Variants in ERC2 observed in about 807,000 individuals in gnomAD.
ERC2 encodes ELKS/RAB6-interacting/CAST family member 2.
In ERC2, 42 loss-of-function variants were observed where a neutral mutation model predicts 114.8. The ratio of observed to expected loss-of-function variants is 0.37; its 90% confidence interval spans 0.29 to 0.47. The LOEUF is 0.47. Ranked by LOEUF, ERC2 falls within the 20% of genes least tolerant of loss-of-function variation. The pLI, the probability that ERC2 is intolerant of heterozygous loss-of-function variation, is 0.99. For missense variants in ERC2, 939 were observed against 1,150.7 expected, an observed-to-expected ratio of 0.82 and a Z score of 2.66; for synonymous variants, 454 against 425.5, an observed-to-expected ratio of 1.07 and a Z score of -0.82.
At chr3:55,601,236 G>C (rs1350671476) in intron 17 of ERC2, among the ~76,000 whole-genome samples, 1 of 152,054 alleles carries the variant, frequency 6.6e-6, no homozygotes, top group African/African-American at 2.4e-5. Context: ...TATATTTTCC[G>C]GTTTTTGGAA....
intron 11 of ERC2, among the ~76,000 whole-genome samples, chr3:55,991,611 C>T (rs1287036158): frequency 6.6e-6 from 1 of 152,168 alleles, no homozygotes; most frequent in East Asian, 1.9e-4. Context: ...ATATGAGCTC[C>T]TTCCTTCTTC....
intron 5 of ERC2, among the ~76,000 whole-genome samples, chr3:56,143,872 C>T (rs1402540459): frequency 6.6e-6 from 1 of 152,166 alleles, no homozygotes; most frequent in African/African-American, 2.4e-5. Flanking sequence ...TAAACAATAA[C>T]AAGCTACTGA....
At chr3:56,260,517 T>C (rs1214352050) in intron 3 of ERC2, among the ~76,000 whole-genome samples, 1 of 152,152 alleles carries the variant, frequency 6.6e-6, no homozygotes, top group East Asian at 1.9e-4. Flanking sequence ...AGCCCTTCTG[T>C]TACCCACCCA....
At chr3:55,687,493 A>C (rs1322513086) in intron 16 of ERC2, among the ~76,000 whole-genome samples, 3 of 152,174 alleles carry the variant, frequency 2.0e-5, no homozygotes, top group African/African-American at 7.2e-5. Flanking sequence ...TGTCCTAGAA[A>C]GGAAAGCAAG....
At chr3:55,532,851 A>T (rs2053754511) in intron 17 of ERC2, among the ~76,000 whole-genome samples, 1 of 152,246 alleles carries the variant, frequency 6.6e-6, no homozygotes, top group African/African-American at 2.4e-5. Context: ...AACTCTTGGT[A>T]GAGCCTGACC....
intron 17 of ERC2, among the ~76,000 whole-genome samples, chr3:55,556,738 T>C (rs2107456654): frequency 6.6e-6 from 1 of 152,278 alleles, no homozygotes; most frequent in Middle Eastern, 3.4e-3. Context: ...GACCACATCA[T>C]CTGAGCCCCT....
At chr3:56,230,191 C>T (rs1453465927) in intron 3 of ERC2, among the ~76,000 whole-genome samples, 1 of 151,554 alleles carries the variant, frequency 6.6e-6, no homozygotes, top group East Asian at 2.0e-4. Flanking sequence ...CAATGATGTT[C>T]GTTAATAATT....
intron 13 of ERC2, among the ~76,000 whole-genome samples, chr3:55,919,011 C>G (rs1447607853): frequency 6.6e-6 from 1 of 152,046 alleles, no homozygotes; most frequent in Non-Finnish European, 1.5e-5. Flanking sequence ...AGAATGTCCA[C>G]CACAGCATTG....
chr3:55,712,572 C>A (rs1045340268), intron 15 of ERC2, among the ~76,000 whole-genome samples: 2 of 152,150 alleles, frequency 1.3e-5, no homozygotes, highest in East Asian at 1.9e-4. Flanking sequence ...TCTAATACAA[C>A]CTGCTTTCCC....
chr3:56,300,904 A>C (rs1453941991), intron 2 of ERC2, among the ~76,000 whole-genome samples: 1 of 152,210 alleles, frequency 6.6e-6, no homozygotes, highest in African/African-American at 2.4e-5. Context: ...AGAAGTAGTA[A>C]AAGCAGACAG....
chr3:56,295,992 T>C, intron 3 of ERC2, 27 bp downstream of exon 3: 1 of 1,528,468 alleles, frequency 6.5e-7, no homozygotes, highest in East Asian at 2.3e-5. Flanking sequence ...AATTAAGGCT[T>C]TGGGGAAATA....
intron 10 of ERC2, among the ~76,000 whole-genome samples, chr3:56,005,368 C>T (rs183211865): frequency 3.9e-5 from 6 of 152,014 alleles, no homozygotes; most frequent in East Asian, 3.9e-4. Context: ...TGTCTACCTG[C>T]GAGTCAAAGG....
At chr3:55,982,826 C>A (rs2070266989) in intron 12 of ERC2, among the ~76,000 whole-genome samples, 1 of 152,182 alleles carries the variant, frequency 6.6e-6, no homozygotes, top group Admixed American at 6.5e-5. Flanking sequence ...GGGCAACAGA[C>A]CTCTGAGTTC....
chr3:55,845,171 T>C (rs918268183), intron 14 of ERC2, among the ~76,000 whole-genome samples: 1 of 152,098 alleles, frequency 6.6e-6, no homozygotes, highest in Admixed American at 6.5e-5. Context: ...TGGATCAGTA[T>C]TGATCCAGCC....
At chr3:56,413,010 C>A (rs1037792644) in intron 2 of ERC2, among the ~76,000 whole-genome samples, 1 of 152,110 alleles carries the variant, frequency 6.6e-6, no homozygotes, top group Non-Finnish European at 1.5e-5. Context: ...TATCTATCAC[C>A]CTCAACTTAC....
intron 17 of ERC2, among the ~76,000 whole-genome samples, chr3:55,574,789 G>C (rs2056891441): frequency 6.6e-6 from 1 of 152,150 alleles, no homozygotes; most frequent in Non-Finnish European, 1.5e-5. Flanking sequence ...AGTCCCATAA[G>C]TTCTCTTCAG....
chr3:55,767,839 G>T (rs991932702), intron 14 of ERC2, among the ~76,000 whole-genome samples: 6 of 152,192 alleles, frequency 3.9e-5, no homozygotes, highest in East Asian at 1.9e-4. Flanking sequence ...ACATTTGGGG[G>T]TCTACTGAGT....
chr3:56,113,669 C>T (rs568757232), intron 6 of ERC2, among the ~76,000 whole-genome samples: 123 of 152,224 alleles, frequency 8.1e-4, no homozygotes, highest in African/African-American at 2.6e-3. Flanking sequence ...AACTCAATTC[C>T]GACACTATCT....
rs1324752720 is a variant in ERC2 at position 55,952,176 on chromosome 3, C to CTATATATATAT, written c.2268-1617_2268-1616insATATATATATA. Among the ~76,000 whole-genome samples, 26 of 44,992 alleles carry CTATATATATAT rather than the reference C, an allele frequency of 5.8e-4. 1 individual carries two copies. Among genetic ancestry groups the CTATATATATAT allele is most frequent in the South Asian group, 1.5e-3 (2 of 1,358 alleles). The allele number at this position is 44,992 out of a possible 152,430, so 29.5% of individuals were successfully genotyped here. On this transcript the variant is annotated intron_variant, in intron 12 of 17. Coordinates refer to ENST00000288221, the MANE Select transcript of ERC2 (RefSeq NM_015576.3). ...ACACACACACACACACACACACACA[C>CTATATATATAT]ACACTCTCTCTCTCTCTCTCTCTAT...
Sources: gnomAD v4.1 joint callset for allele counts (sites outside exome capture counted in the v4.1 genomes callset) on GRCh38, gnomAD v4.1.1 for gene constraint, MANE v1.5 for transcripts, NCBI Gene and HGNC (gene_info 2026-07-23, HGNC 2026-07-21) for gene names.